Variants in RAB5A observed in about 807,000 individuals in gnomAD.
RAB5A encodes the protein RAB5A, member RAS oncogene family.
A neutral mutation model predicts 25.7 loss-of-function variants in RAB5A; 8 were observed. That is an observed-to-expected ratio of 0.31 (90% CI 0.18 to 0.56). The LOEUF (loss-of-function observed/expected upper bound fraction) is 0.56. Ranked by LOEUF, RAB5A falls within the 20% of genes least tolerant of loss-of-function variation. The pLI, the probability that RAB5A is intolerant of heterozygous loss-of-function variation, is 0.91. For synonymous variants in RAB5A, 98 were observed against 89.8 expected, an observed-to-expected ratio of 1.09 and a Z score of -0.52; for missense variants, 192 against 259.7, an observed-to-expected ratio of 0.74 and a Z score of 1.79.
At chr3:19,957,994 C>CT (rs1341164499) in intron 2 of RAB5A, among the ~76,000 whole-genome samples, 1 of 152,112 alleles carries the variant, frequency 6.6e-6, no homozygotes, top group Admixed American at 6.5e-5. Context: ...TACAATTGCC[C>CT]TTCACTTGTT....
chr3:19,968,321 T>C (rs1696689330), intron 2 of RAB5A, among the ~76,000 whole-genome samples: 1 of 152,198 alleles, frequency 6.6e-6, no homozygotes, highest in South Asian at 2.1e-4. Context: ...TACACATTTA[T>C]TTACTACCGA....
intron 2 of RAB5A, among the ~76,000 whole-genome samples, chr3:19,963,290 T>C (rs1449792596): frequency 6.6e-6 from 1 of 151,376 alleles, no homozygotes; most frequent in African/African-American, 2.4e-5. Flanking sequence ...ACTGTTCCAT[T>C]GTTGGGCATT....
At chr3:19,949,761 C>A (rs1696395806) in intron 1 of RAB5A, among the ~76,000 whole-genome samples, 2 of 152,134 alleles carry the variant, frequency 1.3e-5, no homozygotes, top group Non-Finnish European at 2.9e-5. Flanking sequence ...TAATGGCCTG[C>A]AGGCTGGGCG....
intron 2 of RAB5A, among the ~76,000 whole-genome samples, chr3:19,964,384 T>C (rs1480446336): frequency 1.3e-5 from 2 of 152,184 alleles, no homozygotes; most frequent in Non-Finnish European, 2.9e-5. Context: ...TGTCATTTTT[T>C]TAAAAATACC....
chr3:19,978,788 T>G (rs1696867150), intron 5 of RAB5A: 2 of 157,560 alleles, frequency 1.3e-5, no homozygotes, highest in African/African-American at 4.8e-5. Flanking sequence ...AAATTATTGG[T>G]AAATATAACT....
intron 5 of RAB5A, among the ~76,000 whole-genome samples, chr3:19,979,160 A>G (rs1696874946): frequency 6.6e-6 from 1 of 152,026 alleles, no homozygotes; most frequent in Non-Finnish European, 1.5e-5. Flanking sequence ...TATTTATAGT[A>G]GAGACAGGGT....
At chr3:19,978,249 CA>C (rs1366010044) in intron 4 of RAB5A, 60 bp from the exon 5 acceptor site, 1 of 1,056,070 alleles carries the variant, frequency 9.5e-7, no homozygotes, top group Non-Finnish European at 1.5e-6. Context: ...AAGTTTAAAG[CA>C]GGTGTAGTGT....
intron 4 of RAB5A, 81 bp downstream of exon 4, chr3:19,976,250 A>G: frequency 2.1e-6 from 3 of 1,460,174 alleles, no homozygotes; most frequent in South Asian, 2.6e-5. Flanking sequence ...AATTAGTTAT[A>G]ATGTCAAAAC....
intron 2 of RAB5A, among the ~76,000 whole-genome samples, chr3:19,968,372 A>C (rs1191172804): frequency 6.6e-6 from 1 of 152,156 alleles, no homozygotes; most frequent in Non-Finnish European, 1.5e-5. Context: ...CTTTTACTGC[A>C]ATTCAAATTT....
intron 2 of RAB5A, among the ~76,000 whole-genome samples, chr3:19,963,466 G>C (rs1206358148): frequency 1.4e-5 from 2 of 142,722 alleles, no homozygotes; most frequent in East Asian, 4.4e-4. Flanking sequence ...AGGATCAAAA[G>C]AATTCTAATC....
intron 2 of RAB5A, chr3:19,970,780 C>G (rs1489202233): frequency 3.4e-6 from 1 of 292,774 alleles, no homozygotes; most frequent in African/African-American, 2.2e-5. Flanking sequence ...TTTTCAGTGG[C>G]AGAATTTGTT....
At chr3:19,953,313 G>C (rs1559485528) in intron 2 of RAB5A, among the ~76,000 whole-genome samples, 1 of 151,486 alleles carries the variant, frequency 6.6e-6, no homozygotes, top group Non-Finnish European at 1.5e-5. Flanking sequence ...AGATTGTCTA[G>C]ATTTCATTAA....
Position 19,984,003 on chromosome 3 carries a change from C to T in RAB5A, c.*180C>T, listed in dbSNP as rs1383585723. Reference sequence around the variant, plus strand: ...TTAATTTTTAATAACATGCATGGGTCCCTCTCACTAATGTTTCAACAATAG... The same window carrying T: ...TTAATTTTTAATAACATGCATGGGTTCCTCTCACTAATGTTTCAACAATAG... On this transcript the variant is annotated 3_prime_UTR_variant, in exon 6 of 6. Transcript: ENST00000273047. 2 of 551,818 alleles carry T rather than the reference C, an allele frequency of 3.6e-6. No individual in the cohort carries two copies. The highest frequency in any genetic ancestry group is 6.6e-6 in the Non-Finnish European group (2 of 303,062). The allele number at this position is 551,818 out of a possible 1,614,324, so 34.2% of individuals were successfully genotyped here.
At chr3:19,966,830 G>A (rs967462886) in intron 2 of RAB5A, among the ~76,000 whole-genome samples, 2 of 151,968 alleles carry the variant, frequency 1.3e-5, no homozygotes, top group Non-Finnish European at 2.9e-5. Flanking sequence ...TTTGAAATAG[G>A]GTCTCACTCT....
chr3:19,971,213 A>ACC (rs532249684), intron 2 of RAB5A, among the ~76,000 whole-genome samples: 1 of 146,260 alleles, frequency 6.8e-6, no homozygotes, highest in Non-Finnish European at 1.5e-5. Context: ...AAAAAAAAAA[A>ACC]AACACTATAG....
At position 19,958,374 on chromosome 3, in the gene RAB5A, C is replaced by T. The variant is rs570004883; in HGVS notation, c.163+7313C>T. On this transcript the variant is annotated intron_variant, in intron 2 of 5. Transcript: ENST00000273047. ...TATATCACAACCTAAAAAAATCTTTCGGTAGTCTTAATTATTCCCCAATTT... is the reference window on the plus strand; with the variant it reads ...TATATCACAACCTAAAAAAATCTTTTGGTAGTCTTAATTATTCCCCAATTT... Among the ~76,000 whole-genome samples the T allele has an allele frequency of 2.9e-4, 44 of 152,246 alleles. 1 individual carries two copies. The highest frequency in any genetic ancestry group is 3.4e-3 in the Middle Eastern group (1 of 294).
chr3:19,959,372 A>G (rs563466279), intron 2 of RAB5A, among the ~76,000 whole-genome samples: 2 of 152,190 alleles, frequency 1.3e-5, no homozygotes, highest in Non-Finnish European at 2.9e-5. Context: ...AAGGTTTTTA[A>G]AAGTGATATT....
rs11307995 is a variant in RAB5A at position 19,981,613 on chromosome 3, C to CA, written c.533-2082dup. Among the ~76,000 whole-genome samples, 1,300 of 138,826 alleles carry CA rather than the reference C, an allele frequency of 9.4e-3. 9 individuals are homozygous for CA. The highest frequency in any genetic ancestry group is 0.013 in the African/African-American group (512 of 38,850). The allele number at this position is 138,826 out of a possible 152,430, so 91.1% of individuals were successfully genotyped here. ...TGGGTGACAGAGCGAGACTCCGCCT[C>CA]AAAAAAAAAAAAATCATAAATCAAA... On this transcript the variant is annotated intron_variant, in intron 5 of 5. Coordinates refer to ENST00000273047, the MANE Select transcript of RAB5A (RefSeq NM_004162.5).
intron 2 of RAB5A, among the ~76,000 whole-genome samples, chr3:19,973,526 T>G (rs1696781133): frequency 6.6e-6 from 1 of 152,304 alleles, no homozygotes; most frequent in Middle Eastern, 3.4e-3. Context: ...AAACATTTTT[T>G]GATCCTACAG....
Sources: allele counts gnomAD v4.1 joint callset (sites outside exome capture counted in the v4.1 genomes callset), GRCh38; gene constraint gnomAD v4.1.1; transcripts MANE v1.5; gene names NCBI Gene and HGNC (gene_info 2026-07-23, HGNC 2026-07-21).